SDHA: variants seen among roughly 807,000 people sequenced by gnomAD.
SDHA encodes succinate dehydrogenase complex flavoprotein subunit A.
A neutral mutation model predicts 78.4 loss-of-function variants in SDHA; 48 were observed. The ratio of observed to expected loss-of-function variants is 0.61; its 90% CI spans 0.49 to 0.78. SDHA has a LOEUF of 0.78. Ranked by LOEUF, SDHA falls within the 30% of genes least tolerant of loss-of-function variation. The probability of loss-of-function intolerance (pLI) is 0.00; values close to 1 mark genes in which losing one functional copy is unlikely to be tolerated. For synonymous variants in SDHA, 326 were observed against 353.9 expected, an observed-to-expected ratio of 0.92 and a Z score of 0.88; for missense variants, 680 against 892.7, an observed-to-expected ratio of 0.76 and a Z score of 3.04.
intron 14 of SDHA, among the ~76,000 whole-genome samples, chr5:255,252 TAG>T (rs1490642142): frequency 1.3e-5 from 2 of 151,902 alleles, no homozygotes; most frequent in Non-Finnish European, 2.9e-5. Context: ...AAACTTTTCA[TAG>T]CTTGTAAGAG....
rs1237373391 is a variant in SDHA at position 230,930 on chromosome 5, C to T, written c.825C>T (p.Asp275=). 6 of 1,614,074 alleles carry T rather than the reference C, an allele frequency of 3.7e-6. No homozygotes were observed. Among genetic ancestry groups the T allele is most frequent in the East Asian group, 4.5e-5 (2 of 44,878 alleles). The stretch of plus-strand genomic sequence containing the variant: ...CGTCTGCCCACACCAGCACTGGCGA[C>T]GGCACGGCCATGATCACCAGGGCAG... ...SCTSAHTSTG[D]GTAMITRAGL... is the part of the protein sequence containing the mutation. Residue 275 remains aspartate (D), a synonymous_variant, in exon 7 of 15, where the codon GAC becomes GAT. Transcript: ENST00000264932.
chr5:218,427 G>C lies in SDHA; in HGVS notation c.63+9G>C. ...TGGCGCTGGCCAAGGCGGTGAGTCC[G>C]TGCCGCGGACCGGGGCGGGGCAGGC... On this transcript the variant is annotated intron_variant, in intron 1 of 14. Transcript: ENST00000264932. 7.1e-7 allele frequency: 1 copy of C among 1,413,640 alleles called. No homozygotes were observed. Among genetic ancestry groups the C allele is most frequent in the South Asian group, 1.6e-5 (1 of 63,822 alleles). The allele number at this position is 1,413,640 out of a possible 1,614,324, so 87.6% of individuals were successfully genotyped here.
At chr5:232,392 T>G (rs538127746) in intron 7 of SDHA, among the ~76,000 whole-genome samples, 1 of 152,248 alleles carries the variant, frequency 6.6e-6, no homozygotes, top group Non-Finnish European at 1.5e-5. Flanking sequence ...CGAGGGTTTT[T>G]TCGTTTTTGG....
In SDHA at chr5:226,038, A is replaced by G. The variant is rs1735001336; in HGVS notation, c.612A>G (p.Leu204=). The G allele has an allele frequency of 3.7e-6, 6 of 1,614,166 alleles. No individual in the cohort carries two copies. The highest frequency in any genetic ancestry group is 5.1e-6 in the Non-Finnish European group (6 of 1,180,022). The part of the protein sequence containing the change: ...DRTGHSLLHT[L]YGRSLRYDTS... Reference sequence around the variant, plus strand: ...CTGGCCACTCGCTATTGCACACCTTATATGGAAGGGTAAGGCCGCCCCCGT... The same window carrying G: ...CTGGCCACTCGCTATTGCACACCTTGTATGGAAGGGTAAGGCCGCCCCCGT... Residue 204 remains leucine (L), a synonymous_variant, in exon 5 of 15, where the codon TTA becomes TTG. Transcript: ENST00000264932.
At chr5:255,171 A>AGC (rs1554002674) in intron 14 of SDHA, among the ~76,000 whole-genome samples, 7 of 151,208 alleles carry the variant, frequency 4.6e-5, no homozygotes, top group African/African-American at 9.8e-5. Flanking sequence ...ACACAAGCAC[A>AGC]GTTCACCTGT....
Position 256,823 on chromosome 5 carries a change from C to CTTTCTT in SDHA, c.*406_*407insCTTTTT. On this transcript the variant is annotated 3_prime_UTR_variant, in exon 15 of 15. Transcript: ENST00000264932. ...TTTGTATAGTTTCTTTTTTCTTTTT[C>CTTTCTT]TTTTCTTTTTTTTTTTTGAGACAGG... 4.4e-6 allele frequency: 1 copy of CTTTCTT among 226,410 alleles called. No homozygotes were observed. Among genetic ancestry groups the CTTTCTT allele is most frequent in the African/African-American group, 2.7e-5 (1 of 37,402 alleles). 14.0% of individuals were successfully genotyped at this position (226,410 alleles called of 1,614,324 possible).
At chr5:245,184 CTTAA>C (rs1278429148) in intron 11 of SDHA, among the ~76,000 whole-genome samples, 2 of 152,128 alleles carry the variant, frequency 1.3e-5, no homozygotes, top group African/African-American at 2.4e-5. Context: ...CTTTGGTTTT[CTTAA>C]TTAAGAAAAA....
chr5:236,893 C>T (rs1735823004), intron 10 of SDHA, among the ~76,000 whole-genome samples: 1 of 150,026 alleles, frequency 6.7e-6, no homozygotes, highest in African/African-American at 2.5e-5. Flanking sequence ...CTCAAACAGT[C>T]CTGCCTCAGC....
Position 257,012 on chromosome 5 carries a change from C to T in SDHA, c.*592C>T, listed in dbSNP as rs1388588566. On this transcript the variant is annotated 3_prime_UTR_variant, in exon 15 of 15. Coordinates refer to ENST00000264932, the MANE Select transcript of SDHA (RefSeq NM_004168.4). ...TAGGGACAGGGTCTCACTGTGTTGC[C>T]TAGGCTGGTCTCAAGTGATCCTCCC... is the stretch of plus-strand genomic sequence containing the variant. Among the ~76,000 whole-genome samples, 1 of 121,362 alleles carries T rather than the reference C, an allele frequency of 8.2e-6. No individual in the cohort carries two copies. Among genetic ancestry groups the T allele is most frequent in the African/African-American group, 4.4e-5 (1 of 22,854 alleles). 79.6% of individuals were successfully genotyped at this position (121,362 alleles called of 152,430 possible).
chr5:252,422 G>A (rs1179306029), intron 13 of SDHA, among the ~76,000 whole-genome samples: 5 of 142,496 alleles, frequency 3.5e-5, no homozygotes, highest in Non-Finnish European at 6.0e-5. Flanking sequence ...GTAAGCCACC[G>A]TTTCAAGCCT....
chr5:258,991 T>C (rs369230816), downstream of SDHA, among the ~76,000 whole-genome samples: 35 of 21,922 alleles, frequency 1.6e-3, no homozygotes, highest in Admixed American at 3.1e-3. Flanking sequence ...CCGCCTCCCG[T>C]CACAGCATTA....
intron 1 of SDHA, among the ~76,000 whole-genome samples, chr5:221,435 G>T (rs1364348262): frequency 6.6e-6 from 1 of 152,206 alleles, no homozygotes; most frequent in East Asian, 1.9e-4. Context: ...TTGTGATTGT[G>T]TAGGTTGTAC....
downstream of SDHA, among the ~76,000 whole-genome samples, chr5:259,211 C>G (rs1737392723): frequency 1.8e-5 from 1 of 56,432 alleles, no homozygotes; most frequent in Non-Finnish European, 3.1e-5. Flanking sequence ...AGCTCCGCCT[C>G]CCGTCCGAGC....
intron 13 of SDHA, chr5:251,742 G>A (rs1736848394): frequency 7.1e-7 from 1 of 1,407,700 alleles, no homozygotes; most frequent in Non-Finnish European, 9.4e-7. Context: ...GGTTAGAAGT[G>A]CAGCTAGAGT....
rs780258879 is a variant in SDHA, at chr5:236,416, TC to T, written c.1261-10del. Reference sequence around the variant, plus strand: ...CACCTTGACATTTCACCTGAAATCTTCCTTTCCACAGGTCCTGAGGCACGTG... The same window carrying T: ...CACCTTGACATTTCACCTGAAATCTTCTTTCCACAGGTCCTGAGGCACGTG... On this transcript the variant is annotated splice_polypyrimidine_tract_variant and intron_variant, in intron 9 of 14. Transcript: ENST00000264932. The T allele has an allele frequency of 6.2e-7, 1 of 1,613,192 alleles. No homozygotes were observed. Among genetic ancestry groups the T allele is most frequent in the South Asian group, 1.1e-5 (1 of 91,048 alleles).
chr5:218,566 G>C, intron 1 of SDHA, 148 bp downstream of exon 1: 1 of 608,270 alleles, frequency 1.6e-6, no homozygotes, highest in Non-Finnish European at 2.4e-6. Context: ...AGAGCCCTGG[G>C]CCGGTGCGAG....
intron 6 of SDHA, among the ~76,000 whole-genome samples, chr5:230,634 T>TAAATA (rs56188531): frequency 0.24 from 36,296 of 151,728 alleles, 6,772 homozygotes; most frequent in African/African-American, 0.52. Flanking sequence ...TCAAAATAAA[T>TAAATA]AAATAAAATA....
At chr5:259,278 G>A (rs1579453839), downstream of SDHA, among the ~76,000 whole-genome samples, 1 of 49,392 alleles carries the variant, frequency 2.0e-5, no homozygotes, top group East Asian at 3.6e-4. Context: ...TCCGCCTCCC[G>A]CCAGAGCATT....
chr5:236,666 T>C, intron 10 of SDHA, 67 bp downstream of exon 10: 1 of 1,544,220 alleles, frequency 6.5e-7, no homozygotes, highest in Non-Finnish European at 8.9e-7. Flanking sequence ...CTTTTTTCTT[T>C]TTTTTGAGAA....
Sources: allele counts gnomAD v4.1 joint callset (sites outside exome capture counted in the v4.1 genomes callset), GRCh38; gene constraint gnomAD v4.1.1; transcripts MANE v1.5; gene names NCBI Gene and HGNC (gene_info 2026-07-23, HGNC 2026-07-21).